The following KICS2 variants were observed in gnomAD, a reference collection of about 807,000 sequenced individuals.
KICS2 encodes the protein KICSTOR complex protein C12orf66.
In KICS2, 13 loss-of-function variants were observed where a neutral mutation model predicts 31.4. The observed-to-expected ratio is 0.41, with a 90% CI of 0.27 to 0.66. The LOEUF (loss-of-function observed/expected upper bound fraction) is 0.66. Among genes scored for constraint, KICS2 ranks in the 30% least tolerant of loss-of-function variants. KICS2 has a pLI of 0.28. For synonymous variants in KICS2, 209 were observed against 214.8 expected (o/e 0.97, Z 0.24); for missense variants, 455 against 545.4 (o/e 0.83, Z 1.65).
chr12:64,201,364 C>A (rs1362223598), intron 2 of KICS2, among the ~76,000 whole-genome samples: 1 of 86,462 alleles, frequency 1.2e-5, no homozygotes, highest in African/African-American at 4.7e-5. Flanking sequence ...AACAAAAAAC[C>A]AAACACCGCA....
intron 2 of KICS2, among the ~76,000 whole-genome samples, chr12:64,211,493 C>T (rs1280043735): frequency 1.3e-5 from 2 of 152,104 alleles, no homozygotes; most frequent in Non-Finnish European, 2.9e-5. Flanking sequence ...GTGGCGCATG[C>T]CTGTAATTTC....
chr12:64,219,054 TTGAA>T (rs1182774129), intron 1 of KICS2, among the ~76,000 whole-genome samples: 1 of 152,198 alleles, frequency 6.6e-6, no homozygotes, highest in Non-Finnish European at 1.5e-5. Flanking sequence ...TATGATTACT[TTGAA>T]TGATTTTTAG....
chr12:64,189,942 G>C (rs111445944), downstream of KICS2, among the ~76,000 whole-genome samples: 6 of 152,020 alleles, frequency 3.9e-5, no homozygotes, highest in African/African-American at 1.4e-4. Context: ...AAAATACCTC[G>C]CTCAGTAATT....
downstream of KICS2, chr12:64,187,483 T>C (rs1360581241): frequency 7.1e-6 from 5 of 704,748 alleles, no homozygotes; most frequent in Non-Finnish European, 1.2e-5. Flanking sequence ...ATTGAAAAAA[T>C]ATGCAGACAA....
intron 1 of KICS2, among the ~76,000 whole-genome samples, chr12:64,219,584 T>C (rs564445349): frequency 6.6e-6 from 1 of 152,264 alleles, no homozygotes; most frequent in East Asian, 1.9e-4. Flanking sequence ...CCCTTTTTAC[T>C]TGAAATTTGC....
At chr12:64,201,111 A>G (rs10878119) in intron 2 of KICS2, among the ~76,000 whole-genome samples, 40,236 of 142,268 alleles carry the variant, frequency 0.28, 5,987 homozygotes, top group East Asian at 0.47. Context: ...CTGGGTATAT[A>G]CCCAAATGAC....
At chr12:64,209,644 C>T (rs1055501508) in intron 2 of KICS2, among the ~76,000 whole-genome samples, 3 of 152,196 alleles carry the variant, frequency 2.0e-5, no homozygotes, top group African/African-American at 7.2e-5. Flanking sequence ...CACCATTCTA[C>T]TGTGAACACA....
chr12:64,204,774 C>A (rs984034681), intron 2 of KICS2: 3 of 150,550 alleles, frequency 2.0e-5, no homozygotes, highest in African/African-American at 7.4e-5. Flanking sequence ...CAGAGTGAGA[C>A]CCTGTGTTAA....
downstream of KICS2, among the ~76,000 whole-genome samples, chr12:64,188,717 T>C (rs2037358381): frequency 6.6e-6 from 1 of 152,078 alleles, no homozygotes; most frequent in Non-Finnish European, 1.5e-5. Flanking sequence ...AATCTTGTGG[T>C]CAGGGAGAAA....
chr12:64,201,746 G>A (rs1276323105), intron 2 of KICS2, among the ~76,000 whole-genome samples: 1 of 151,514 alleles, frequency 6.6e-6, no homozygotes, highest in Non-Finnish European at 1.5e-5. Context: ...TGGAGGCTGA[G>A]GCACGAGAAT....
chr12:64,201,613 A>C (rs2037489845), intron 2 of KICS2, among the ~76,000 whole-genome samples: 1 of 124,652 alleles, frequency 8.0e-6, no homozygotes, highest in Non-Finnish European at 1.6e-5. Context: ...AATAAAAAAA[A>C]AAAAAGAAAA....
In KICS2 at chr12:64,222,058, G is replaced by A; in HGVS notation, c.180C>T (p.His60=). ...SWLSLLAALA[H]LAAAEKVYHS... ...GATAGACCTTCTCGGCCGCGGCCAG[G>A]TGCGCCAAGGCCGCCAGCAGCGACA... Residue 60 remains histidine (H), a synonymous_variant, in exon 1 of 3, where the codon CAC becomes CAT. Transcript: ENST00000398055. 2.5e-6 allele frequency: 4 copies of A among 1,613,730 alleles called. No homozygotes were observed. The highest frequency in any genetic ancestry group is 8.5e-7 in the Non-Finnish European group (1 of 1,179,902).
At chr12:64,217,487 C>CA (rs2037639930) in intron 1 of KICS2, among the ~76,000 whole-genome samples, 1 of 150,102 alleles carries the variant, frequency 6.7e-6, no homozygotes, top group Non-Finnish European at 1.5e-5. Context: ...AAAAAACGCA[C>CA]AAAAAATCTC....
At chr12:64,211,817 A>G (rs1195977428) in intron 2 of KICS2, among the ~76,000 whole-genome samples, 1 of 152,262 alleles carries the variant, frequency 6.6e-6, no homozygotes, top group East Asian at 1.9e-4. Flanking sequence ...ATAAAAAATA[A>G]CAAGCAACTA....
At chr12:64,221,914 C>T in intron 1 of KICS2, 89 bp downstream of exon 1, 5 of 1,375,204 alleles carry the variant, frequency 3.6e-6, no homozygotes, top group Non-Finnish European at 4.9e-6. Flanking sequence ...AGAAGTGACA[C>T]AGAGACGGGA....
intron 2 of KICS2, among the ~76,000 whole-genome samples, chr12:64,210,013 C>G (rs1427236421): frequency 6.6e-6 from 1 of 152,130 alleles, no homozygotes; most frequent in Non-Finnish European, 1.5e-5. Context: ...TTTGGTGTAG[C>G]ACAGATGCCA....
chr12:64,192,694 C>T lies in KICS2; in HGVS notation c.*1148G>A. 6.1e-6 allele frequency: 6 copies of T among 985,380 alleles called. No individual in the cohort carries two copies. The highest frequency in any genetic ancestry group is 5.2e-4 in the Middle Eastern group (1 of 1,914). The allele number at this position is 985,380 out of a possible 1,614,324, so 61.0% of individuals were successfully genotyped here. On this transcript the variant is annotated 3_prime_UTR_variant, in exon 3 of 3. Transcript: ENST00000398055. ...TCAATAATCTAGAAGTGAAGGTCTC[C>T]ACAGCCCATTATGCCTTCACTGATC... is the stretch of plus-strand genomic sequence containing the variant.
chr12:64,193,880 T>C lies in KICS2; in HGVS notation c.1300A>G (p.Lys434Glu). ...NEVSLALKNP[K>E]VFASLKPGAK... ...CCAGGTTTCAGACTTGCAAACACTT[T>C]GGGGTTCTTAAGGGCAAGTGAGACC... The change falls in exon 3 of 3, where the codon AAA (lysine) becomes GAA (glutamate). Residue 434 changes from lysine (K) to glutamate (E), a missense_variant. Lys to Glu is a moderately conservative substitution (Grantham distance 56). Transcript: ENST00000398055. 6.2e-7 allele frequency: 1 copy of C among 1,614,098 alleles called. No homozygotes were observed. Among genetic ancestry groups the C allele is most frequent in the Non-Finnish European group, 8.5e-7 (1 of 1,180,010 alleles).
At chr12:64,207,202 G>A (rs1340557643) in intron 2 of KICS2, among the ~76,000 whole-genome samples, 2 of 151,088 alleles carry the variant, frequency 1.3e-5, no homozygotes, top group South Asian at 2.1e-4. Context: ...TACTCGGGAG[G>A]CTGAGGCAGG....
Sources: allele counts gnomAD v4.1 joint callset (sites outside exome capture counted in the v4.1 genomes callset), GRCh38; gene constraint gnomAD v4.1.1; transcripts MANE v1.5; gene names NCBI Gene and HGNC (gene_info 2026-07-23, HGNC 2026-07-21).